FMR1: variants seen among roughly 807,000 people sequenced by gnomAD.
FMR1 encodes the protein fragile X messenger ribonucleoprotein 1, also known as FMRP translational regulator 1.
FMR1 carries 13 observed loss-of-function variants against 50.6 expected under a neutral mutation model. The ratio of observed to expected loss-of-function variants is 0.26; its 90% confidence interval spans 0.17 to 0.41. The LOEUF (loss-of-function observed/expected upper bound fraction) is 0.41, where lower values mean the gene tolerates loss of function less well. Among genes scored for constraint, FMR1 ranks in the 10% least tolerant of loss-of-function variants. The pLI, the probability that FMR1 is intolerant of heterozygous loss-of-function variation, is 1.00. For synonymous variants in FMR1, 138 were observed against 164.1 expected, an observed-to-expected ratio of 0.84 and a Z score of 1.22; for missense variants, 316 against 491.3, an observed-to-expected ratio of 0.64 and a Z score of 3.37.
intron 13 of FMR1, among the ~76,000 whole-genome samples, chrX:147,942,919 C>CT (rs1286845151): frequency 4.5e-5 from 5 of 111,972 alleles, no homozygotes; most frequent in Non-Finnish European, 9.4e-5. Context: ...TGTTATATCT[C>CT]TAATTCTTGA....
chrX:147,932,582 A>G lies in FMR1; in HGVS notation c.788A>G (p.His263Arg), dbSNP rs782162376. The G allele has an allele frequency of 3.3e-6, 4 of 1,206,305 alleles. No individual in the cohort carries two copies. Among genetic ancestry groups the G allele is most frequent in the Admixed American group, 2.2e-5 (1 of 45,749 alleles). Residue 263 changes from histidine (H) to arginine (R), a missense_variant, in exon 8 of 17, where the codon CAT becomes CGT. Physicochemically the swap from His to Arg is conservative, Grantham distance 29. Transcript: ENST00000370475. ...CTAGATGAAGATACCTGCACATTTC[A>G]TATTTATGGAGAGGTAAATATTTTA... ...IDLDEDTCTF[H>R]IYGEDQDAVK...
intron 2 of FMR1, among the ~76,000 whole-genome samples, chrX:147,924,084 A>G (rs782756347): frequency 9.0e-6 from 1 of 111,502 alleles, no homozygotes; most frequent in Non-Finnish European, 1.9e-5. Context: ...TTATCTGTAT[A>G]CACTTAAAAT....
At position 147,911,989 on chromosome X, in the gene FMR1, C is replaced by G. The variant is rs1187963126; in HGVS notation, c.-191C>G. ...GGCCGCCTCTGAGCGGGCGGCGGGC[C>G]GACGGCGAGCGCGGGCGGCGGCGGT... On this transcript the variant is annotated 5_prime_UTR_variant, in exon 1 of 17. Transcript: ENST00000370475. The G allele has an allele frequency of 3.4e-5, 3 of 87,405 alleles. No individual in the cohort carries two copies. Among genetic ancestry groups the G allele is most frequent in the Non-Finnish European group, 4.7e-5 (2 of 42,551 alleles). The allele number at this position is 87,405 out of a possible 1,213,427, so 7.2% of individuals were successfully genotyped here.
chrX:147,914,032 A>G (rs1483023893), intron 1 of FMR1: 1 of 112,472 alleles, frequency 8.9e-6, no homozygotes, highest in Non-Finnish European at 1.9e-5. Context: ...GTTCTCTTCC[A>G]GCAACTTATG....
intron 1 of FMR1, among the ~76,000 whole-genome samples, chrX:147,918,554 G>GTTTTTTT (rs2042989205): frequency 1.6e-4 from 3 of 18,747 alleles, no homozygotes; most frequent in African/African-American, 9.1e-4. Flanking sequence ...GCCTGCAAAA[G>GTTTTTTT]CTTTTTTTTT....
chrX:147,912,087 C>CGGCGGCGGCGGCGGCGGCGGCGGCGGA lies in FMR1; in HGVS notation c.-69_-68insGGAGGCGGCGGCGGCGGCGGCGGCGGC, dbSNP rs1931663248. The CGGCGGCGGCGGCGGCGGCGGCGGCGGA allele has an allele frequency of 2.1e-6, 1 of 467,732 alleles. No individual in the cohort carries two copies. Among genetic ancestry groups the CGGCGGCGGCGGCGGCGGCGGCGGCGGA allele is most frequent in the Non-Finnish European group, 2.7e-6 (1 of 376,500 alleles). 38.5% of individuals were successfully genotyped at this position (467,732 alleles called of 1,213,427 possible). ...GCGGCGGCGGCGGCGGCGGAGGCGGCGGCGGCGGCGGCGGCGGCGGCGGCT... is the reference window on the plus strand; with the variant it reads ...GCGGCGGCGGCGGCGGCGGAGGCGGCGGCGGCGGCGGCGGCGGCGGCGGCGGAGGCGGCGGCGGCGGCGGCGGCGGCT... On this transcript the variant is annotated 5_prime_UTR_variant, in exon 1 of 17. Coordinates refer to ENST00000370475, the MANE Select transcript of FMR1 (RefSeq NM_002024.6).
rs150724379 is a variant in FMR1, at chrX:147,932,626, C to T, written c.801+31C>T. 37,339 of 1,191,651 alleles carry T rather than the reference C, an allele frequency of 0.031. 476 individuals are homozygous for T. Among genetic ancestry groups the T allele is most frequent in the South Asian group, 0.077 (4,344 of 56,357 alleles). ...TATTTTACTGCATAGTTTTTTTTTC[C>T]CCAAACAAGTATTTCAGCTGGCTAA... On this transcript the variant is annotated intron_variant, in intron 8 of 16. Coordinates refer to ENST00000370475, the MANE Select transcript of FMR1 (RefSeq NM_002024.6).
intron 1 of FMR1, chrX:147,912,627 G>C (rs1422661731): frequency 9.9e-6 from 3 of 302,369 alleles, no homozygotes; most frequent in Non-Finnish European, 1.7e-5. Context: ...CGGGCCTGTC[G>C]TGTGGGTAGT....
chrX:147,940,302 A>G (rs901502443), intron 12 of FMR1: 12 of 328,745 alleles, frequency 3.7e-5, no homozygotes, highest in Non-Finnish European at 6.4e-5. Context: ...ATAATTTTGA[A>G]TTATACATTT....
Position 147,930,139 on chromosome X carries a change from A to G in FMR1, c.525A>G (p.Glu175=). The G allele has an allele frequency of 8.3e-7, 1 of 1,201,701 alleles. No homozygotes were observed. The highest frequency in any genetic ancestry group is 1.1e-6 in the Non-Finnish European group (1 of 886,355). Residue 175 remains glutamate (E), a synonymous_variant, in exon 7 of 17, where the codon GAA becomes GAG. Transcript: ENST00000370475. ...TTTAAATCATTTAGTCCATCAATGA[A>G]GTCACCTCAAAGCGAGCACATATGC... ...NYQLVILSIN[E]VTSKRAHMLI...
intron 1 of FMR1, among the ~76,000 whole-genome samples, chrX:147,916,583 T>C (rs541437334): frequency 1.8e-5 from 2 of 110,257 alleles, no homozygotes; most frequent in African/African-American, 6.8e-5. Flanking sequence ...CCTTTCTTCC[T>C]TTCTTTTCCT....
chrX:147,932,357 G>C, intron 7 of FMR1, 68 bp from the exon 8 acceptor site: 1 of 1,010,897 alleles, frequency 9.9e-7, no homozygotes, highest in Non-Finnish European at 1.4e-6. Context: ...TAATTTACAT[G>C]GCTGGCCTAA....
intron 16 of FMR1, chrX:147,947,658 C>G (rs1557182372): frequency 9.3e-6 from 1 of 107,614 alleles, no homozygotes; most frequent in Non-Finnish European, 1.9e-5. Context: ...TGCAGTGAGC[C>G]AAGATCGCGC....
chrX:147,944,743 CTT>C (rs1557181539), intron 14 of FMR1, 124 bp from the exon 15 acceptor site: 5 of 1,088,827 alleles, frequency 4.6e-6, no homozygotes, highest in Non-Finnish European at 5.9e-6. Context: ...TGATAATACT[CTT>C]TGTGGGCTTA....
At position 147,925,532 on chromosome X, in the gene FMR1, A is replaced by C. The variant is rs183745963; in HGVS notation, c.105-8A>C. ...ATGTTAAATAATTGTATGTTTGCTT[A>C]TTTACAGCTGGCAGCCTGATAGGCA... On this transcript the variant is annotated splice_region_variant and splice_polypyrimidine_tract_variant and intron_variant, in intron 2 of 16. Transcript: ENST00000370475. The C allele has an allele frequency of 6.9e-4, 801 of 1,153,402 alleles. 3 individuals carry two copies. In the African/African-American group the frequency reaches 0.013, roughly 19 times the overall value.
At chrX:147,933,565 G>T in intron 9 of FMR1, 1 of 896,329 alleles carries the variant, frequency 1.1e-6, no homozygotes, top group South Asian at 5.8e-5. Flanking sequence ...ATATTTAGGA[G>T]CTCTTCACCA....
At chrX:147,933,344 G>A (rs1388897697) in intron 9 of FMR1, 2 of 553,362 alleles carry the variant, frequency 3.6e-6, no homozygotes, top group African/African-American at 2.5e-5. Context: ...AAATAGATTT[G>A]TATTTGATCT....
intron 6 of FMR1, 43 bp from the exon 7 acceptor site, chrX:147,930,085 G>A: frequency 2.6e-6 from 3 of 1,137,149 alleles, no homozygotes; most frequent in Non-Finnish European, 2.4e-6. Context: ...ATTCATCTGG[G>A]GCAATTGCCT....
At chrX:147,920,325 T>C (rs782641535) in intron 1 of FMR1, among the ~76,000 whole-genome samples, 6 of 112,162 alleles carry the variant, frequency 5.3e-5, no homozygotes, top group Admixed American at 9.5e-5. Context: ...GGATTTATTA[T>C]TTCTGCCACA....
Sources: allele counts gnomAD v4.1 joint callset (sites outside exome capture counted in the v4.1 genomes callset), GRCh38; gene constraint gnomAD v4.1.1; transcripts MANE v1.5; gene names NCBI Gene and HGNC (gene_info 2026-07-23, HGNC 2026-07-21).